Variants in LRRC1 observed in about 807,000 individuals in gnomAD.
The protein encoded by LRRC1 is leucine-rich repeat-containing protein 1.
Under a neutral mutation model 69.9 loss-of-function variants are expected in LRRC1, and 28 were observed. The ratio of observed to expected loss-of-function variants is 0.40; its 90% confidence interval spans 0.30 to 0.55. The LOEUF (loss-of-function observed/expected upper bound fraction) is 0.55. LRRC1 is among the 20% of genes least tolerant of loss of function. The pLI is 0.47. For synonymous variants in LRRC1, 236 were observed against 240.2 expected (o/e 0.98, Z 0.16); for missense variants, 498 against 609.0 (o/e 0.82, Z 1.92).
intron 9 of LRRC1, among the ~76,000 whole-genome samples, chr6:53,903,536 A>AT (rs929369888): frequency 7.7e-4 from 113 of 146,056 alleles, no homozygotes; most frequent in Middle Eastern, 3.6e-3. Context: ...TCATTTTGTC[A>AT]TTTTTTTTTT....
At position 53,845,341 on chromosome 6, in the gene LRRC1, T is replaced by C. The variant is rs576744389; in HGVS notation, c.277+3114T>C. Among the ~76,000 whole-genome samples, 3 of 152,312 alleles carry C rather than the reference T, an allele frequency of 2.0e-5. No homozygotes were observed. In the East Asian group the frequency reaches 5.8e-4, roughly 29 times the overall value. ...ATCTCAGTATGCTTCCACTCATTTT[T>C]TGGACAGATAAAATTATGTTAATCT... On this transcript the variant is annotated intron_variant, in intron 2 of 13. Coordinates refer to ENST00000370888, the MANE Select transcript of LRRC1 (RefSeq NM_018214.5).
At chr6:53,917,454 A>G (rs1488833015) in intron 11 of LRRC1, among the ~76,000 whole-genome samples, 2 of 152,232 alleles carry the variant, frequency 1.3e-5, no homozygotes, top group African/African-American at 4.8e-5. Flanking sequence ...GTTGTTGTAG[A>G]GTCTAATAAT....
rs556509545 is a variant in LRRC1 at position 53,875,722 on chromosome 6, G to C, written c.278-3271G>C. ...CATCAGTGCTTTTGATAGAGTGATG[G>C]GACTTGATGGTGGTAGTGGCGGTTT... is the stretch of plus-strand genomic sequence containing the variant. On this transcript the variant is annotated intron_variant, in intron 2 of 13. Coordinates refer to ENST00000370888, the MANE Select transcript of LRRC1 (RefSeq NM_018214.5). Among the ~76,000 whole-genome samples, 5 of 152,212 alleles carry C rather than the reference G, an allele frequency of 3.3e-5. No individual in the cohort carries two copies. In the South Asian group the frequency reaches 8.3e-4, roughly 25 times the overall value.
chr6:53,884,033 A>G (rs1449220183), intron 4 of LRRC1: 2 of 716,582 alleles, frequency 2.8e-6, no homozygotes, highest in Non-Finnish European at 2.6e-6. Flanking sequence ...TCTTTATGCC[A>G]TTAGACTTGC....
At chr6:53,865,574 A>G (rs1024510859) in intron 2 of LRRC1, among the ~76,000 whole-genome samples, 2 of 151,980 alleles carry the variant, frequency 1.3e-5, no homozygotes, top group Non-Finnish European at 2.9e-5. Context: ...TGTTTATGCC[A>G]TATTATTTTT....
Position 53,920,777 on chromosome 6 carries a change from T to C in LRRC1, c.1416+16T>C. On this transcript the variant is annotated intron_variant, in intron 13 of 13. Transcript: ENST00000370888. Reference sequence around the variant, plus strand: ...CAATGAGACGGTATGGAAATGCAGATTCTTTGCCTCTGTGGAAGTTCAAAA... The same window carrying C: ...CAATGAGACGGTATGGAAATGCAGACTCTTTGCCTCTGTGGAAGTTCAAAA... 1 of 1,614,086 alleles carries C rather than the reference T, an allele frequency of 6.2e-7. No individual in the cohort carries two copies. Among genetic ancestry groups the C allele is most frequent in the Non-Finnish European group, 8.5e-7 (1 of 1,179,936 alleles).
At chr6:53,913,755 A>G in intron 10 of LRRC1, 99 bp from the exon 11 acceptor site, 1 of 647,668 alleles carries the variant, frequency 1.5e-6, no homozygotes, top group Non-Finnish European at 2.7e-6. Flanking sequence ...GTATAAGTTT[A>G]TGCATCCTTT....
intron 8 of LRRC1, among the ~76,000 whole-genome samples, chr6:53,900,364 CAA>C (rs1448573570): frequency 6.6e-6 from 1 of 152,088 alleles, no homozygotes; most frequent in Non-Finnish European, 1.5e-5. Flanking sequence ...AGAAGGAAAG[CAA>C]AGAGTATTTA....
intron 10 of LRRC1, among the ~76,000 whole-genome samples, chr6:53,912,498 T>TCTACA (rs1385782872): frequency 2.0e-5 from 3 of 152,202 alleles, no homozygotes; most frequent in Non-Finnish European, 4.4e-5. Context: ...TAAAAGCCTT[T>TCTACA]CTACATATCT....
chr6:53,856,503 C>T (rs184859219), intron 2 of LRRC1, among the ~76,000 whole-genome samples: 1 of 152,110 alleles, frequency 6.6e-6, no homozygotes, highest in East Asian at 1.9e-4. Flanking sequence ...AGGCTCTGAG[C>T]AGCAAGATGC....
At position 53,862,247 on chromosome 6, in the gene LRRC1, TTTGA is replaced by T. The variant is rs572021411; in HGVS notation, c.278-16742_278-16739del. Reference sequence around the variant, plus strand: ...AACTTTTTTCCCCTCATTTTTGATATTTGATTGCTGTCTTCTTGAAGTAGCCATT... The same window carrying T: ...AACTTTTTTCCCCTCATTTTTGATATTTGCTGTCTTCTTGAAGTAGCCATT... On this transcript the variant is annotated intron_variant, in intron 2 of 13. Coordinates refer to ENST00000370888, the MANE Select transcript of LRRC1 (RefSeq NM_018214.5). 6.3e-3 allele frequency among the ~76,000 whole-genome samples: 960 copies of T among 152,252 alleles called. 6 individuals are homozygous for T. The highest frequency in any genetic ancestry group is 0.011 in the Non-Finnish European group (768 of 68,012).
intron 1 of LRRC1, among the ~76,000 whole-genome samples, chr6:53,812,689 C>CAAA (rs10580267): frequency 1.3e-5 from 1 of 79,118 alleles, no homozygotes; most frequent in Non-Finnish European, 2.3e-5. Flanking sequence ...GACTCCGTCT[C>CAAA]AAAAAAAAAA....
intron 1 of LRRC1, among the ~76,000 whole-genome samples, chr6:53,806,557 C>T (rs967366788): frequency 2.0e-5 from 3 of 152,124 alleles, no homozygotes; most frequent in Admixed American, 1.3e-4. Flanking sequence ...GCCTCAGTTT[C>T]CTTACCTGAG....
chr6:53,844,745 C>T (rs1434001787), intron 2 of LRRC1, among the ~76,000 whole-genome samples: 1 of 152,160 alleles, frequency 6.6e-6, no homozygotes, highest in Non-Finnish European at 1.5e-5. Context: ...GAACGTTCAC[C>T]TTCTTATCCA....
chr6:53,877,409 T>C (rs1360377033), intron 2 of LRRC1, among the ~76,000 whole-genome samples: 1 of 152,230 alleles, frequency 6.6e-6, no homozygotes, highest in East Asian at 1.9e-4. Flanking sequence ...AGCTTCTCGT[T>C]ACTTATGCAA....
At chr6:53,867,181 A>T (rs1766728486) in intron 2 of LRRC1, among the ~76,000 whole-genome samples, 1 of 151,486 alleles carries the variant, frequency 6.6e-6, no homozygotes, top group Non-Finnish European at 1.5e-5. Flanking sequence ...TAGTAATAGT[A>T]CCTCCTTAAC....
chr6:53,916,744 C>T (rs1768577023), intron 11 of LRRC1, among the ~76,000 whole-genome samples: 1 of 152,102 alleles, frequency 6.6e-6, no homozygotes, highest in Admixed American at 6.5e-5. Context: ...GATGAAACTA[C>T]ATTGTAAGGC....
chr6:53,840,884 T>TTA (rs1177273198), intron 1 of LRRC1, among the ~76,000 whole-genome samples: 1 of 125,232 alleles, frequency 8.0e-6, no homozygotes, highest in East Asian at 2.4e-4. Context: ...GGGTATGTGT[T>TTA]TGTGTGTGTG....
intron 8 of LRRC1, among the ~76,000 whole-genome samples, chr6:53,900,973 T>C (rs1768039016): frequency 6.6e-6 from 1 of 152,192 alleles, no homozygotes. Context: ...CCCTCCGTGG[T>C]ATGTGGTCAA....
Sources: allele counts gnomAD v4.1 joint callset (sites outside exome capture counted in the v4.1 genomes callset), GRCh38; gene constraint gnomAD v4.1.1; transcripts MANE v1.5; gene names NCBI Gene and HGNC (gene_info 2026-07-23, HGNC 2026-07-21).